CCBE1: variants seen among roughly 807,000 people sequenced by gnomAD.
CCBE1 encodes collagen and calcium-binding EGF domain-containing protein 1.
In CCBE1, 37 loss-of-function variants were observed where a neutral mutation model predicts 50.0. The ratio of observed to expected loss-of-function variants is 0.74; its 90% CI spans 0.57 to 0.97. CCBE1 has a LOEUF of 0.97. CCBE1 is among the 50% of genes least tolerant of loss of function. The probability of loss-of-function intolerance (pLI) is 0.00; values close to 1 mark genes in which losing one functional copy is unlikely to be tolerated. For synonymous variants in CCBE1, 234 were observed against 203.7 expected (o/e 1.15, Z -1.27); for missense variants, 538 against 523.8 (o/e 1.03, Z -0.26).
chr18:59,451,931 C>A (rs970257265), intron 6 of CCBE1, among the ~76,000 whole-genome samples: 1 of 149,118 alleles, frequency 6.7e-6, no homozygotes, highest in Non-Finnish European at 1.5e-5. Flanking sequence ...TCTTCCCCAA[C>A]AAGTCACCAC....
chr18:59,464,764 C>G (rs1368255897), intron 5 of CCBE1: 1 of 152,280 alleles, frequency 6.6e-6, no homozygotes, highest in Non-Finnish European at 1.5e-5. Context: ...GTTTGCTGTC[C>G]TCAGCTGATG....
At chr18:59,542,181 A>AAAAG (rs1915494436) in intron 2 of CCBE1, among the ~76,000 whole-genome samples, 1 of 151,638 alleles carries the variant, frequency 6.6e-6, no homozygotes, top group African/African-American at 2.4e-5. Context: ...CTCAAAAAAA[A>AAAAG]AAAAAAAATT....
At position 59,436,124 on chromosome 18, in the gene CCBE1, G is replaced by A. The variant is rs568146941; in HGVS notation, c.1005C>T (p.Phe335=). 2.1e-5 allele frequency: 34 copies of A among 1,614,160 alleles called. No homozygotes were observed. The highest frequency in any genetic ancestry group is 1.7e-4 in the Middle Eastern group (1 of 6,050). The change falls in exon 11 of 11, where the codon TTC becomes TTT. Residue 335 remains phenylalanine, a synonymous_variant. Transcript: ENST00000439986. The part of the protein sequence containing the change: ...PRGSPGPPGS[F]DFLLLMLADI... ...CAGCCAGCATAAGTAGCAGGAAGTC[G>A]AAAGAACCAGGGGGTCCCTGTGTAC...
intron 3 of CCBE1, among the ~76,000 whole-genome samples, chr18:59,479,576 C>G (rs759262607): frequency 2.0e-5 from 3 of 152,216 alleles, no homozygotes; most frequent in Non-Finnish European, 4.4e-5. Context: ...TAATACTACC[C>G]TGTAAGAACT....
intron 5 of CCBE1, among the ~76,000 whole-genome samples, chr18:59,460,915 A>G (rs1911433751): frequency 6.7e-6 from 1 of 148,764 alleles, no homozygotes; most frequent in Non-Finnish European, 1.5e-5. Context: ...AGCCTGGGTG[A>G]CAGAGGGAGA....
chr18:59,457,531 C>T (rs1911254073), intron 5 of CCBE1, among the ~76,000 whole-genome samples: 1 of 152,202 alleles, frequency 6.6e-6, no homozygotes, highest in East Asian at 1.9e-4. Flanking sequence ...AAGCTCTCAG[C>T]ACACAGCTTG....
At chr18:59,445,665 C>T (rs1568142823) in intron 7 of CCBE1, among the ~76,000 whole-genome samples, 1 of 152,198 alleles carries the variant, frequency 6.6e-6, no homozygotes, top group Non-Finnish European at 1.5e-5. Flanking sequence ...CACCCCTACT[C>T]TTAATACTGG....
chr18:59,573,156 G>A (rs116798865), intron 2 of CCBE1, among the ~76,000 whole-genome samples: 8,205 of 150,914 alleles, frequency 0.054, 261 homozygotes, highest in Middle Eastern at 0.11. Flanking sequence ...AAGGTGGTGC[G>A]CACCTGTAAT....
chr18:59,687,989 T>A (rs1305728909), intron 2 of CCBE1, among the ~76,000 whole-genome samples: 1 of 152,164 alleles, frequency 6.6e-6, no homozygotes, highest in Non-Finnish European at 1.5e-5. Context: ...TAATCACTGA[T>A]ATATTCTGCA....
At chr18:59,612,880 G>C (rs2053592091) in intron 2 of CCBE1, among the ~76,000 whole-genome samples, 1 of 150,042 alleles carries the variant, frequency 6.7e-6, no homozygotes, top group South Asian at 2.1e-4. Context: ...TGGCTGGCTG[G>C]AACAAAGATG....
At chr18:59,499,676 T>A (rs1300826895) in intron 2 of CCBE1, among the ~76,000 whole-genome samples, 2 of 152,178 alleles carry the variant, frequency 1.3e-5, no homozygotes, top group Non-Finnish European at 2.9e-5. Context: ...CCCACCAGGT[T>A]CCTCCCACAA....
At chr18:59,663,192 T>C (rs927652362) in intron 2 of CCBE1, among the ~76,000 whole-genome samples, 5 of 152,184 alleles carry the variant, frequency 3.3e-5, no homozygotes, top group African/African-American at 9.7e-5. Context: ...TAATGGGAAG[T>C]AGATTGTGCG....
At chr18:59,642,948 CAAAAAAAA>C (rs10683687) in intron 2 of CCBE1, among the ~76,000 whole-genome samples, 2,370 of 94,206 alleles carry the variant, frequency 0.025, 71 homozygotes, top group African/African-American at 0.094. Context: ...GACTCCACCT[CAAAAAAAA>C]AAAAAAAAAA....
At chr18:59,608,540 T>C (rs1198504426) in intron 2 of CCBE1, among the ~76,000 whole-genome samples, 1 of 152,192 alleles carries the variant, frequency 6.6e-6, no homozygotes, top group Non-Finnish European at 1.5e-5. Context: ...GCCCCCATTT[T>C]AATTTTCACA....
At chr18:59,697,577 C>A, upstream of CCBE1, 3 of 555,556 alleles carry the variant, frequency 5.4e-6, 1 homozygote, top group South Asian at 6.8e-5. Context: ...AAGGGGGTAC[C>A]TGCGGTGTCC....
chr18:59,590,982 C>A lies in CCBE1; in HGVS notation c.212+105647G>T, dbSNP rs1268810205. 1.5e-4 allele frequency among the ~76,000 whole-genome samples: 5 copies of A among 32,300 alleles called. 1 individual carries two copies. Among genetic ancestry groups the A allele is most frequent in the African/African-American group, 4.3e-4 (1 of 2,334 alleles). 21.2% of individuals were successfully genotyped at this position (32,300 alleles called of 152,430 possible). A position where few individuals can be genotyped will look rare whatever the true frequency, so the allele number is the denominator to read the frequency against. ...TAAGTAGGCCGGGCGCGGTGGCTCA[C>A]GCTTGTAATCCCAGCACTTTGGGAG... On this transcript the variant is annotated intron_variant, in intron 2 of 10. Transcript: ENST00000439986.
intron 2 of CCBE1, among the ~76,000 whole-genome samples, chr18:59,585,627 C>A: frequency 6.6e-6 from 1 of 152,134 alleles, no homozygotes; most frequent in East Asian, 1.9e-4. Context: ...TAAGTATCAG[C>A]AAAACAACTT....
At chr18:59,480,822 A>G (rs545557021) in intron 2 of CCBE1, among the ~76,000 whole-genome samples, 1 of 152,258 alleles carries the variant, frequency 6.6e-6, no homozygotes, top group African/African-American at 2.4e-5. Context: ...AATTTAAAAT[A>G]TAGCAAACAG....
At chr18:59,548,915 C>A (rs1031311932) in intron 2 of CCBE1, among the ~76,000 whole-genome samples, 1 of 151,922 alleles carries the variant, frequency 6.6e-6, no homozygotes, top group African/African-American at 2.4e-5. Flanking sequence ...CCAGCCTGGC[C>A]AACATGGCAA....
Sources: allele counts gnomAD v4.1 joint callset (sites outside exome capture counted in the v4.1 genomes callset), GRCh38; gene constraint gnomAD v4.1.1; transcripts MANE v1.5; gene names NCBI Gene and HGNC (gene_info 2026-07-23, HGNC 2026-07-21).